The following NPAS3 variants were observed in gnomAD, a reference collection of about 807,000 sequenced individuals.
NPAS3 encodes the protein neuronal PAS domain-containing protein 3.
In NPAS3, 14 loss-of-function variants were observed where a neutral mutation model predicts 73.1. The observed-to-expected ratio is 0.19, with a 90% confidence interval of 0.13 to 0.30. The LOEUF (loss-of-function observed/expected upper bound fraction) is 0.30. Ranked by LOEUF, NPAS3 falls within the 10% of genes least tolerant of loss-of-function variation. NPAS3 has a pLI of 1.00. For synonymous variants in NPAS3, 620 were observed against 541.5 expected (o/e 1.14, Z -2.01); for missense variants, 1,096 against 1,250.0 (o/e 0.88, Z 1.86).
intron 5 of NPAS3, among the ~76,000 whole-genome samples, chr14:33,564,376 G>A (rs2055816385): frequency 6.6e-6 from 1 of 152,128 alleles, no homozygotes; most frequent in Non-Finnish European, 1.5e-5. Context: ...TGTAGATTAT[G>A]ACATTGATTT....
chr14:33,469,447 A>C (rs774203416), intron 4 of NPAS3, among the ~76,000 whole-genome samples: 8 of 152,216 alleles, frequency 5.3e-5, no homozygotes, highest in Non-Finnish European at 8.8e-5. Context: ...AGTGAGACAC[A>C]AAAAGGTATA....
chr14:33,212,588 T>C (rs1251392839), intron 2 of NPAS3, among the ~76,000 whole-genome samples: 1 of 152,208 alleles, frequency 6.6e-6, no homozygotes, highest in East Asian at 1.9e-4. Context: ...CCTGAATGGA[T>C]AGAGAAAAGC....
intron 4 of NPAS3, among the ~76,000 whole-genome samples, chr14:33,483,952 C>G (rs1255705039): frequency 5.9e-5 from 9 of 152,182 alleles, no homozygotes; most frequent in Admixed American, 5.9e-4. Context: ...CCAAATTCCA[C>G]TATGCAATTC....
At chr14:33,481,862 C>A (rs2051341577) in intron 4 of NPAS3, among the ~76,000 whole-genome samples, 1 of 151,770 alleles carries the variant, frequency 6.6e-6, no homozygotes. Flanking sequence ...GTTTTGTATC[C>A]CCATGGGCAT....
chr14:33,702,122 A>AT (rs1566443277), intron 6 of NPAS3, among the ~76,000 whole-genome samples: 1 of 152,254 alleles, frequency 6.6e-6, no homozygotes. Context: ...AACTCTCTAG[A>AT]GAGGCTGTCC....
At chr14:33,174,960 C>T (rs1028904341) in intron 2 of NPAS3, among the ~76,000 whole-genome samples, 10 of 152,140 alleles carry the variant, frequency 6.6e-5, no homozygotes, top group Non-Finnish European at 1.5e-4. Flanking sequence ...TTCACTGGTC[C>T]ATTTCATGTG....
At chr14:33,672,959 A>G (rs1223325078) in intron 5 of NPAS3, among the ~76,000 whole-genome samples, 1 of 152,272 alleles carries the variant, frequency 6.6e-6, no homozygotes, top group Non-Finnish European at 1.5e-5. Context: ...TGTTAGATAC[A>G]TGTAAGATGT....
intron 4 of NPAS3, among the ~76,000 whole-genome samples, chr14:33,525,802 T>G (rs1008695000): frequency 6.6e-6 from 1 of 152,148 alleles, no homozygotes. Context: ...AAGTTTGGAA[T>G]GTGACATGGG....
chr14:33,086,527 C>T (rs181545204), intron 2 of NPAS3, among the ~76,000 whole-genome samples: 46 of 152,040 alleles, frequency 3.0e-4, no homozygotes, highest in African/African-American at 8.9e-4. Flanking sequence ...CAGAAAGAAG[C>T]GGCAGAATTT....
chr14:33,421,889 A>G (rs575229239), intron 4 of NPAS3, among the ~76,000 whole-genome samples: 8 of 152,104 alleles, frequency 5.3e-5, no homozygotes, highest in Non-Finnish European at 1.2e-4. Flanking sequence ...AGTGGACACT[A>G]TGGATAGGAA....
At chr14:33,479,203 TG>T (rs1156713067) in intron 4 of NPAS3, among the ~76,000 whole-genome samples, 1 of 152,210 alleles carries the variant, frequency 6.6e-6, no homozygotes, top group Non-Finnish European at 1.5e-5. Flanking sequence ...GATTAGCAAA[TG>T]CATGTTTATG....
chr14:32,978,864 TA>T (rs944133206), intron 1 of NPAS3, among the ~76,000 whole-genome samples: 1 of 152,218 alleles, frequency 6.6e-6, no homozygotes, highest in Non-Finnish European at 1.5e-5. Context: ...TTCAGGCTGA[TA>T]TTTTCCTTCG....
At chr14:33,801,026 G>A (rs2063700378) in exon 12 of NPAS3, 4 of 1,591,194 alleles carry the variant, frequency 2.5e-6, no homozygotes, top group Non-Finnish European at 3.4e-6. Flanking sequence ...CACCACGGCC[G>A]AGGGACTCTT....
intron 2 of NPAS3, among the ~76,000 whole-genome samples, chr14:33,116,019 A>G (rs750449667): frequency 6.6e-6 from 1 of 152,106 alleles, no homozygotes; most frequent in Non-Finnish European, 1.5e-5. Context: ...TTTGCAATAC[A>G]CAGATGGGAG....
chr14:33,707,175 A>G (rs781203336), intron 6 of NPAS3, among the ~76,000 whole-genome samples: 3 of 152,196 alleles, frequency 2.0e-5, no homozygotes, highest in Non-Finnish European at 2.9e-5. Flanking sequence ...ATTTATTTCT[A>G]AGGAGCAGAG....
At chr14:33,089,563 G>A (rs950285707) in intron 2 of NPAS3, among the ~76,000 whole-genome samples, 6 of 152,278 alleles carry the variant, frequency 3.9e-5, no homozygotes, top group Admixed American at 1.3e-4. Context: ...GAACCAAGTT[G>A]GAAAACACTC....
At chr14:33,215,203 G>A (rs371455177) in exon 3 of NPAS3, 214 of 1,613,680 alleles carry the variant, frequency 1.3e-4, no homozygotes, top group Non-Finnish European at 1.7e-4. Context: ...TGAGAAAGGA[G>A]AAATCCCGAG....
At chr14:32,969,003 C>T (rs1195020452) in intron 1 of NPAS3, among the ~76,000 whole-genome samples, 5 of 152,134 alleles carry the variant, frequency 3.3e-5, no homozygotes, top group Non-Finnish European at 7.3e-5. Context: ...GTTCAGCTTC[C>T]ACTTAAAAGT....
intron 6 of NPAS3, among the ~76,000 whole-genome samples, chr14:33,693,209 T>A (rs2060281621): frequency 6.6e-6 from 1 of 152,250 alleles, no homozygotes; most frequent in Admixed American, 6.5e-5. Flanking sequence ...CAATGATTTA[T>A]GCTTCTTTGT....
Sources: allele counts gnomAD v4.1 joint callset (sites outside exome capture counted in the v4.1 genomes callset), GRCh38; gene constraint gnomAD v4.1.1; transcripts MANE v1.5; gene names NCBI Gene and HGNC (gene_info 2026-07-23, HGNC 2026-07-21).